The following ALKAL1 variants were observed in gnomAD, a reference collection of about 807,000 sequenced individuals.
The protein encoded by ALKAL1 is ALK and LTK ligand 1.
Under a neutral mutation model 13.5 loss-of-function variants are expected in ALKAL1, and 23 were observed. That is an observed-to-expected ratio of 1.70 (90% CI 1.23 to 2.41). The LOEUF is 2.41. Ranked by LOEUF, ALKAL1 falls within the 30% of genes most tolerant of loss-of-function variation. The pLI is 0.00. For synonymous variants in ALKAL1, 85 were observed against 77.7 expected (o/e 1.09, Z -0.49); for missense variants, 181 against 178.4 (o/e 1.01, Z -0.08).
intron 1 of ALKAL1, among the ~76,000 whole-genome samples, chr8:52,558,943 T>G (rs1032408256): frequency 6.6e-6 from 1 of 151,906 alleles, no homozygotes; most frequent in Non-Finnish European, 1.5e-5. Context: ...CTGCTTCCAC[T>G]CATGATGGAA....
intron 1 of ALKAL1, among the ~76,000 whole-genome samples, chr8:52,544,983 A>G (rs1189476910): frequency 6.6e-6 from 1 of 152,108 alleles, no homozygotes; most frequent in Non-Finnish European, 1.5e-5. Context: ...TGGTGTGATC[A>G]CAGCTCACTG....
intron 1 of ALKAL1, among the ~76,000 whole-genome samples, chr8:52,545,087 AT>A (rs1847356426): frequency 6.6e-6 from 1 of 152,078 alleles, no homozygotes; most frequent in South Asian, 2.1e-4. Flanking sequence ...AGCATAAACT[AT>A]TTTTAATAAT....
chr8:52,541,719 G>A (rs1310096517), intron 2 of ALKAL1, among the ~76,000 whole-genome samples: 4 of 152,106 alleles, frequency 2.6e-5, no homozygotes, highest in Non-Finnish European at 4.4e-5. Context: ...TCGTGCCACC[G>A]CGCTCCAGCC....
At chr8:52,561,782 A>T (rs377473791) in intron 1 of ALKAL1, among the ~76,000 whole-genome samples, 1 of 152,208 alleles carries the variant, frequency 6.6e-6, no homozygotes, top group African/African-American at 2.4e-5. Flanking sequence ...GTGAGGTTTT[A>T]TATTAAAACA....
intron 1 of ALKAL1, among the ~76,000 whole-genome samples, chr8:52,552,867 T>C (rs1030803249): frequency 1.3e-5 from 2 of 152,234 alleles, no homozygotes; most frequent in African/African-American, 4.8e-5. Context: ...CAATCAACCC[T>C]GGTTCTTTTA....
intron 1 of ALKAL1, among the ~76,000 whole-genome samples, chr8:52,552,927 G>T (rs767113611): frequency 1.3e-5 from 2 of 152,180 alleles, no homozygotes; most frequent in East Asian, 1.9e-4. Flanking sequence ...TGTGCTCCTG[G>T]TGACTACGGT....
intron 4 of ALKAL1, among the ~76,000 whole-genome samples, chr8:52,536,648 T>A (rs1195392603): frequency 1.3e-5 from 2 of 152,214 alleles, no homozygotes; most frequent in Non-Finnish European, 2.9e-5. Flanking sequence ...GTTTCCTACC[T>A]ACAGTACCAA....
At chr8:52,541,263 C>A (rs1325542872) in intron 2 of ALKAL1, among the ~76,000 whole-genome samples, 1 of 151,998 alleles carries the variant, frequency 6.6e-6, no homozygotes, top group Non-Finnish European at 1.5e-5. Context: ...ATCACTTGAG[C>A]CAGGAGTTCA....
chr8:52,542,074 T>C (rs1847318969), intron 2 of ALKAL1, among the ~76,000 whole-genome samples: 1 of 152,112 alleles, frequency 6.6e-6, no homozygotes, highest in Non-Finnish European at 1.5e-5. Context: ...GAACAGAAGG[T>C]CTCCCTCACC....
intron 1 of ALKAL1, among the ~76,000 whole-genome samples, chr8:52,558,629 G>A (rs886807613): frequency 2.0e-5 from 3 of 151,880 alleles, no homozygotes; most frequent in South Asian, 2.1e-4. Context: ...GTCCCCCAGC[G>A]GCTAAAGTCG....
intron 1 of ALKAL1, among the ~76,000 whole-genome samples, chr8:52,552,100 A>G (rs571037652): frequency 6.6e-6 from 1 of 152,152 alleles, no homozygotes; most frequent in East Asian, 1.9e-4. Context: ...ATGTCTCCTT[A>G]GGCGCCTCTT....
Position 52,538,491 on chromosome 8 carries a change from A to G in ALKAL1, c.342T>C (p.Ala114=). ...CSTPAYYKRC[A]RLLTRLAVSP... ...TCACTGCTAATCTTGTTAACAATCTAGCACATCTTTTGTAATCTAGGAAAA... is the reference window on the plus strand; with the variant it reads ...TCACTGCTAATCTTGTTAACAATCTGGCACATCTTTTGTAATCTAGGAAAA... Residue 114 remains alanine, a synonymous_variant, in exon 4 of 5, where the codon GCT becomes GCC. Transcript: ENST00000358543. 6.2e-7 allele frequency: 1 copy of G among 1,609,506 alleles called. No homozygotes were observed. The highest frequency in any genetic ancestry group is 8.5e-7 in the Non-Finnish European group (1 of 1,176,560).
intron 1 of ALKAL1, among the ~76,000 whole-genome samples, chr8:52,564,221 C>T (rs1847578773): frequency 6.6e-6 from 1 of 152,186 alleles, no homozygotes; most frequent in South Asian, 2.1e-4. Flanking sequence ...GCCTCGCCGG[C>T]AGCTTCACCT....
intron 1 of ALKAL1, among the ~76,000 whole-genome samples, chr8:52,558,986 G>A (rs1476685534): frequency 2.0e-5 from 3 of 152,138 alleles, no homozygotes; most frequent in Admixed American, 2.0e-4. Flanking sequence ...CAGAGAACCC[G>A]TGGCCTGACA....
chr8:52,542,401 GC>G lies in ALKAL1; in HGVS notation c.234del (p.Lys78AsnfsTer40). 6.5e-7 allele frequency: 1 copy of G among 1,540,072 alleles called. No homozygotes were observed. Among genetic ancestry groups the G allele is most frequent in the Non-Finnish European group, 8.9e-7 (1 of 1,119,990 alleles). ...TACATTTTGTACTTACCTGTGAAATGCTTTATGAATTTGTCTTTTAAGTTAG... is the reference window on the plus strand; with the variant it reads ...TACATTTTGTACTTACCTGTGAAATGTTTATGAATTTGTCTTTTAAGTTAG... ...RDSNLKDKFI[K>X]HFTGPVTFSP... On this transcript the variant is annotated frameshift_variant, in exon 2 of 5. Coordinates refer to ENST00000358543, the MANE Select transcript of ALKAL1 (RefSeq NM_207413.4). LOFTEE classifies it high-confidence loss of function.
Position 52,539,814 on chromosome 8 carries a change from C to A in ALKAL1, c.325+17G>T, listed in dbSNP as rs1590865024. On this transcript the variant is annotated intron_variant, in intron 3 of 4. Coordinates refer to ENST00000358543, the MANE Select transcript of ALKAL1 (RefSeq NM_207413.4). ...GTTGGATAATTAAAAAAAAAAAAAC[C>A]CACCCAAGTTACTTACAAGCTGGCG... 6.6e-7 allele frequency: 1 copy of A among 1,526,460 alleles called. No homozygotes were observed. The highest frequency in any genetic ancestry group is 8.9e-7 in the Non-Finnish European group (1 of 1,128,912). 94.6% of individuals were successfully genotyped at this position (1,526,460 alleles called of 1,614,324 possible).
chr8:52,565,314 G>A lies in ALKAL1; in HGVS notation c.-58C>T. On this transcript the variant is annotated 5_prime_UTR_variant, in exon 1 of 5. Transcript: ENST00000358543. ...CCGGGAGGATCCCGACGCAGGTCCG[G>A]AGGGTGCGCGGCCCAAGAGAAGGCC... 1 of 1,245,876 alleles carries A rather than the reference G, an allele frequency of 8.0e-7. No individual in the cohort carries two copies. 77.2% of individuals were successfully genotyped at this position (1,245,876 alleles called of 1,614,324 possible).
chr8:52,551,108 A>C (rs1260827799), intron 1 of ALKAL1, among the ~76,000 whole-genome samples: 1 of 152,180 alleles, frequency 6.6e-6, no homozygotes, highest in African/African-American at 2.4e-5. Context: ...ATCAAAAAAC[A>C]TGACTTATTT....
At chr8:52,553,237 AT>A (rs1288231490) in intron 1 of ALKAL1, among the ~76,000 whole-genome samples, 1 of 152,036 alleles carries the variant, frequency 6.6e-6, no homozygotes, top group African/African-American at 2.4e-5. Flanking sequence ...GGTCCATGCT[AT>A]TTGGGAGGCT....
Sources: allele counts gnomAD v4.1 joint callset (sites outside exome capture counted in the v4.1 genomes callset), GRCh38; gene constraint gnomAD v4.1.1; transcripts MANE v1.5; gene names NCBI Gene and HGNC (gene_info 2026-07-23, HGNC 2026-07-21).